The following PTPRS variants were observed in gnomAD, a reference collection of about 807,000 sequenced individuals.
The protein encoded by PTPRS is receptor-type tyrosine-protein phosphatase S.
PTPRS carries 63 observed loss-of-function variants against 215.3 expected under a neutral mutation model. That is an observed-to-expected ratio of 0.29 (90% CI 0.24 to 0.36). PTPRS has a LOEUF of 0.36. Among genes scored for constraint, PTPRS ranks in the 10% least tolerant of loss-of-function variants. The pLI, the probability that PTPRS is intolerant of heterozygous loss-of-function variation, is 1.00. For missense variants in PTPRS, 2,258 were observed against 2,825.8 expected, an observed-to-expected ratio of 0.80 and a Z score of 4.56; for synonymous variants, 1,404 against 1,191.4, an observed-to-expected ratio of 1.18 and a Z score of -3.68.
chr19:5,234,688 G>A (rs1158533634), intron 13 of PTPRS, among the ~76,000 whole-genome samples: 1 of 152,208 alleles, frequency 6.6e-6, no homozygotes, highest in Non-Finnish European at 1.5e-5. Context: ...CTGCGTGCCA[G>A]GCACTGTGCT....
chr19:5,245,733 C>T lies in PTPRS; in HGVS notation c.988+43G>A, dbSNP rs372093335. The stretch of plus-strand genomic sequence containing the variant: ...CTGTGCCTGAAGTCGGGGATCGACT[C>T]CAGCCTGCCCCTCCACCTACGAGCC... On this transcript the variant is annotated intron_variant, in intron 10 of 37. Transcript: ENST00000262963. The T allele has an allele frequency of 3.3e-5, 51 of 1,526,004 alleles. No homozygotes were observed. The African/African-American group carries it at 7.0e-4, about 21-fold the overall frequency. 94.5% of individuals were successfully genotyped at this position (1,526,004 alleles called of 1,614,324 possible).
At chr19:5,248,526 T>C (rs75315386) in intron 9 of PTPRS, among the ~76,000 whole-genome samples, 1 of 152,144 alleles carries the variant, frequency 6.6e-6, no homozygotes, top group African/African-American at 2.4e-5. Flanking sequence ...CCCAAGAGTC[T>C]TGGCCACGGG....
chr19:5,211,168 C>T (rs1189857024), intron 33 of PTPRS, among the ~76,000 whole-genome samples: 1 of 152,204 alleles, frequency 6.6e-6, no homozygotes, highest in East Asian at 1.9e-4. Context: ...CCAGGAACAC[C>T]CTCCCCTCCT....
At chr19:5,277,825 T>C in intron 2 of PTPRS, 1 of 777,878 alleles carries the variant, frequency 1.3e-6, no homozygotes, top group Admixed American at 1.7e-5. Flanking sequence ...TATGTCAAAA[T>C]TAAGCGTTAA....
At chr19:5,260,180 CTTT>C (rs1169287515) in intron 7 of PTPRS, among the ~76,000 whole-genome samples, 4 of 135,886 alleles carry the variant, frequency 2.9e-5, no homozygotes, top group African/African-American at 5.4e-5. Context: ...CGTTTTGTTT[CTTT>C]TTTTTTTTTT....
chr19:5,290,339 T>A (rs182009148), intron 1 of PTPRS, among the ~76,000 whole-genome samples: 143 of 152,336 alleles, frequency 9.4e-4, no homozygotes, highest in African/African-American at 3.3e-3. Flanking sequence ...TGACTGTGTC[T>A]TTCTCTGGCC....
intron 1 of PTPRS, among the ~76,000 whole-genome samples, chr19:5,313,958 T>G: frequency 6.8e-6 from 1 of 148,090 alleles, no homozygotes. Flanking sequence ...ATAATAATAA[T>G]AATAATAATA....
At chr19:5,223,430 GC>G in intron 17 of PTPRS, 133 bp from the exon 18 acceptor site, 1 of 1,140,244 alleles carries the variant, frequency 8.8e-7, no homozygotes, top group Non-Finnish European at 1.2e-6. Flanking sequence ...TTACTCTGTT[GC>G]CCAGCCTGGA....
intron 9 of PTPRS, among the ~76,000 whole-genome samples, chr19:5,249,790 T>C (rs576243900): frequency 6.6e-6 from 1 of 152,302 alleles, no homozygotes; most frequent in Non-Finnish European, 1.5e-5. Flanking sequence ...CTCAAAGGAA[T>C]TGTTGGAACG....
intron 16 of PTPRS, among the ~76,000 whole-genome samples, chr19:5,228,097 C>T (rs998065776): frequency 6.6e-6 from 1 of 151,914 alleles, no homozygotes; most frequent in Non-Finnish European, 1.5e-5. Context: ...AGTTGAAGCC[C>T]AGGTGGGAAC....
intron 1 of PTPRS, among the ~76,000 whole-genome samples, chr19:5,321,446 C>T (rs951568035): frequency 1.3e-5 from 2 of 152,162 alleles, no homozygotes; most frequent in African/African-American, 4.8e-5. Flanking sequence ...AAGGGGGAAG[C>T]GATTTCCTGA....
chr19:5,213,395 A>C (rs547626780), intron 30 of PTPRS, among the ~76,000 whole-genome samples: 8 of 152,208 alleles, frequency 5.3e-5, no homozygotes, highest in Non-Finnish European at 1.0e-4. Flanking sequence ...GCCTCTGCCC[A>C]GGCTGCACCC....
At chr19:5,309,215 C>T (rs2049610660) in intron 1 of PTPRS, among the ~76,000 whole-genome samples, 2 of 152,252 alleles carry the variant, frequency 1.3e-5, no homozygotes, top group South Asian at 4.1e-4. Context: ...TGGGGTTGAG[C>T]CTGTGCCACG....
At chr19:5,253,626 G>A (rs1431398259) in intron 9 of PTPRS, among the ~76,000 whole-genome samples, 2 of 152,182 alleles carry the variant, frequency 1.3e-5, no homozygotes, top group Non-Finnish European at 2.9e-5. Context: ...GGAGCCAGGA[G>A]AAAATGAGAT....
chr19:5,271,392 ATT>A (rs528606232), intron 4 of PTPRS, among the ~76,000 whole-genome samples: 4 of 134,112 alleles, frequency 3.0e-5, no homozygotes, highest in Admixed American at 7.6e-5. Flanking sequence ...TTATTACCCG[ATT>A]TTTTTTTTTT....
At chr19:5,222,281 C>T in intron 18 of PTPRS, 61 bp from the exon 19 acceptor site, 1 of 1,417,960 alleles carries the variant, frequency 7.1e-7, no homozygotes, top group South Asian at 1.2e-5. Context: ...GTGCCTGGCA[C>T]TGGGTGGCGT....
Position 5,240,400 on chromosome 19 carries a change from TGA to T in PTPRS, c.1571-70_1571-69del. The T allele has an allele frequency of 2.8e-6, 4 of 1,435,612 alleles. No homozygotes were observed. In the East Asian group the frequency reaches 1.1e-4, roughly 38 times the overall value. The allele number at this position is 1,435,612 out of a possible 1,614,324, so 88.9% of individuals were successfully genotyped here. Reference sequence around the variant, plus strand: ...ACCCCACAAAGGGGGCCCCACCTGCTGAGTGTCCCCACTAAAAGATGCCAGCT... The same window carrying T: ...ACCCCACAAAGGGGGCCCCACCTGCTGTGTCCCCACTAAAAGATGCCAGCT... On this transcript the variant is annotated intron_variant, in intron 11 of 37. Coordinates refer to ENST00000262963, the MANE Select transcript of PTPRS (RefSeq NM_002850.4).
At chr19:5,219,054 C>A in intron 23 of PTPRS, 1 of 636,316 alleles carries the variant, frequency 1.6e-6, no homozygotes, top group South Asian at 2.0e-5. Flanking sequence ...TGGACACAGG[C>A]AGCCTCTACC....
intron 1 of PTPRS, among the ~76,000 whole-genome samples, chr19:5,315,946 T>C (rs914174204): frequency 1.3e-5 from 2 of 151,020 alleles, no homozygotes; most frequent in Non-Finnish European, 3.0e-5. Flanking sequence ...TTTAAAAAAT[T>C]TGCACAGATC....
Sources: gnomAD v4.1 joint callset for allele counts (sites outside exome capture counted in the v4.1 genomes callset) on GRCh38, gnomAD v4.1.1 for gene constraint, MANE v1.5 for transcripts, NCBI Gene and HGNC (gene_info 2026-07-23, HGNC 2026-07-21) for gene names.